The following RPH3A variants were observed in gnomAD, a reference collection of about 807,000 sequenced individuals.
RPH3A encodes rabphilin-3A.
In RPH3A, 48 loss-of-function variants were observed where a neutral mutation model predicts 102.2. The ratio of observed to expected loss-of-function variants is 0.47; its 90% CI spans 0.37 to 0.60. The LOEUF (loss-of-function observed/expected upper bound fraction) is 0.60, where lower values mean the gene tolerates loss of function less well. Ranked by LOEUF, RPH3A falls within the 20% of genes least tolerant of loss-of-function variation. The pLI, the probability that RPH3A is intolerant of heterozygous loss-of-function variation, is 0.00. For missense variants in RPH3A, 781 were observed against 910.1 expected (o/e 0.86, Z 1.83); for synonymous variants, 310 against 324.3 (o/e 0.96, Z 0.47).
rs147908071 is a variant in RPH3A at position 112,825,310 on chromosome 12, A to C, written c.-18-2991A>C. ...TTTACTGTAAGGGATCTTCTCTGCT[A>C]CGGGTCCAACCAGCATTCCCCTCCG... is the stretch of plus-strand genomic sequence containing the variant. On this transcript the variant is annotated intron_variant, in intron 2 of 21. Coordinates refer to ENST00000389385, the MANE Select transcript of RPH3A (RefSeq NM_001143854.2). Among the ~76,000 whole-genome samples the C allele has an allele frequency of 3.5e-3, 528 of 152,292 alleles. 3 individuals are homozygous for C. Among genetic ancestry groups the C allele is most frequent in the African/African-American group, 0.012 (516 of 41,560 alleles).
chr12:112,784,813 A>G (rs2041034303), intron 1 of RPH3A, among the ~76,000 whole-genome samples: 1 of 152,232 alleles, frequency 6.6e-6, no homozygotes, highest in Admixed American at 6.5e-5. Context: ...GGCTAGAAAC[A>G]GATTCAGATT....
chr12:112,895,804 G>T lies in RPH3A; in HGVS notation c.1885G>T (p.Asp629Tyr). 1 of 1,613,994 alleles carries T rather than the reference G, an allele frequency of 6.2e-7. No homozygotes were observed. The highest frequency in any genetic ancestry group is 1.1e-5 in the South Asian group (1 of 91,082). Residue 629 changes from aspartate (D) to tyrosine (Y), a missense_variant, in exon 21 of 22, where the codon GAC (aspartate) becomes TAC (tyrosine). Coordinates refer to ENST00000389385, the MANE Select transcript of RPH3A (RefSeq NM_001143854.2). ...EEFFYDIKHSDLAKKSLDISV... is the reference protein window; with the variant it reads ...EEFFYDIKHSYLAKKSLDISV... ...GTTTTTCTATGACATCAAACACAGT[G>T]ACCTGGCAAAGAAGTCACTGGACAT...
chr12:112,777,220 G>T (rs1315879294), intron 1 of RPH3A, among the ~76,000 whole-genome samples: 1 of 152,154 alleles, frequency 6.6e-6, no homozygotes, highest in African/African-American at 2.4e-5. Flanking sequence ...TTCGAGTCAG[G>T]TTTACAGGAG....
At chr12:112,862,456 A>G (rs768508577) in intron 5 of RPH3A, among the ~76,000 whole-genome samples, 15 of 152,236 alleles carry the variant, frequency 9.9e-5, no homozygotes, top group South Asian at 2.1e-4. Flanking sequence ...AAATTTAAAT[A>G]AAAAGCTGTG....
intron 1 of RPH3A, among the ~76,000 whole-genome samples, chr12:112,676,820 G>T (rs1200752126): frequency 1.3e-5 from 2 of 152,208 alleles, no homozygotes; most frequent in African/African-American, 4.8e-5. Flanking sequence ...TGGCATTCCT[G>T]TGAGCTCTTC....
At chr12:112,744,200 C>T (rs553972602) in intron 1 of RPH3A, among the ~76,000 whole-genome samples, 191 of 152,260 alleles carry the variant, frequency 1.3e-3, no homozygotes, top group African/African-American at 4.1e-3. Flanking sequence ...CCCAGCCTCC[C>T]GAGTAGCTGG....
chr12:112,895,690 C>A (rs2043168296), intron 20 of RPH3A, 87 bp from the exon 21 acceptor site: 2 of 878,250 alleles, frequency 2.3e-6, no homozygotes, highest in African/African-American at 3.4e-5. Context: ...TCTCCTTGGC[C>A]CATAACCCCT....
upstream of RPH3A, among the ~76,000 whole-genome samples, chr12:112,787,008 C>T (rs1281429603): frequency 6.6e-6 from 1 of 152,158 alleles, no homozygotes; most frequent in Non-Finnish European, 1.5e-5. Context: ...CTTCCACCAT[C>T]TTCAAGACCA....
At chr12:112,712,418 T>C (rs2040468858) in intron 1 of RPH3A, among the ~76,000 whole-genome samples, 4 of 152,194 alleles carry the variant, frequency 2.6e-5, no homozygotes, top group Admixed American at 2.0e-4. Flanking sequence ...TTCAATCTAA[T>C]AGAAACCGCA....
chr12:112,881,954 A>C (rs1593124013), intron 15 of RPH3A, 108 bp downstream of exon 15: 2 of 720,084 alleles, frequency 2.8e-6, no homozygotes, highest in Non-Finnish European at 4.6e-6. Context: ...CAAATCCCCA[A>C]CCCCACCTCA....
intron 1 of RPH3A, among the ~76,000 whole-genome samples, chr12:112,702,912 C>T (rs1337927493): frequency 3.3e-5 from 5 of 152,206 alleles, no homozygotes; most frequent in African/African-American, 1.2e-4. Context: ...TGCCTTAATT[C>T]TACCCCCTTC....
intron 1 of RPH3A, among the ~76,000 whole-genome samples, chr12:112,588,620 G>A (rs569880265): frequency 6.6e-6 from 1 of 152,332 alleles, no homozygotes; most frequent in South Asian, 2.1e-4. Context: ...TCAAAGAGAT[G>A]CTCAATGCCT....
At chr12:112,835,634 G>C (rs1038374737) in intron 3 of RPH3A, among the ~76,000 whole-genome samples, 33 of 152,172 alleles carry the variant, frequency 2.2e-4, no homozygotes, top group Non-Finnish European at 8.8e-5. Context: ...ATGCTATCTA[G>C]TCTGCTGCAG....
rs552298596 is a variant in RPH3A, at chr12:112,739,771, T to A, written c.-139-52372T>A. 3.7e-4 allele frequency among the ~76,000 whole-genome samples: 57 copies of A among 152,270 alleles called. 1 individual carries two copies. Among genetic ancestry groups the A allele is most frequent in the African/African-American group, 1.3e-3 (56 of 41,556 alleles). ...CTTTGTCACTTGGCTTCCTGCTGGG[T>A]TTGTCCAGTGGGAGGCAATGGCATT... On this transcript the variant is annotated intron_variant, in intron 1 of 21. Transcript: ENST00000543106.
At chr12:112,589,216 C>T (rs11831995) in intron 1 of RPH3A, among the ~76,000 whole-genome samples, 5,296 of 152,036 alleles carry the variant, frequency 0.035, 189 homozygotes, top group South Asian at 0.22. Context: ...CTGCCCAGGC[C>T]TCACTACTCA....
intron 5 of RPH3A, among the ~76,000 whole-genome samples, chr12:112,856,407 T>C (rs1391189033): frequency 6.6e-6 from 1 of 152,184 alleles, no homozygotes; most frequent in Non-Finnish European, 1.5e-5. Context: ...GGATCTGATC[T>C]CTCTGTAAGA....
At chr12:112,599,191 C>T (rs557812044) in intron 1 of RPH3A, among the ~76,000 whole-genome samples, 33 of 152,222 alleles carry the variant, frequency 2.2e-4, no homozygotes, top group African/African-American at 7.7e-4. Context: ...AGTTAACTTT[C>T]GATTCATGTG....
At chr12:112,606,652 A>G (rs538908592) in intron 1 of RPH3A, among the ~76,000 whole-genome samples, 14 of 152,332 alleles carry the variant, frequency 9.2e-5, no homozygotes, top group African/African-American at 3.1e-4. Context: ...AGAATTCTGC[A>G]GGCTGAACAG....
intron 1 of RPH3A, among the ~76,000 whole-genome samples, chr12:112,769,458 G>T (rs1451651628): frequency 6.6e-6 from 1 of 152,218 alleles, no homozygotes; most frequent in Non-Finnish European, 1.5e-5. Flanking sequence ...AAGTTAATTT[G>T]TGTATTGCTG....
Sources: allele counts gnomAD v4.1 joint callset (sites outside exome capture counted in the v4.1 genomes callset), GRCh38; gene constraint gnomAD v4.1.1; transcripts MANE v1.5; gene names NCBI Gene and HGNC (gene_info 2026-07-23, HGNC 2026-07-21).